PCDHGA2: variants seen among roughly 807,000 people sequenced by gnomAD.
The protein encoded by PCDHGA2 is protocadherin gamma-A2.
In PCDHGA2, 40 loss-of-function variants were observed where a neutral mutation model predicts 59.2. The observed-to-expected ratio is 0.68, with a 90% CI of 0.52 to 0.88. PCDHGA2 has a LOEUF of 0.88. Ranked by LOEUF, PCDHGA2 falls within the 40% of genes least tolerant of loss-of-function variation. PCDHGA2 has a pLI of 0.00. For synonymous variants in PCDHGA2, 560 were observed against 526.0 expected (o/e 1.06, Z -0.89); for missense variants, 1,226 against 1,204.0 (o/e 1.02, Z -0.27).
intron 1 of PCDHGA2, chr5:141,355,796 C>G: frequency 1.2e-6 from 2 of 1,613,556 alleles, no homozygotes; most frequent in Non-Finnish European, 1.7e-6. Context: ...CTGGAACGCG[C>G]TCTAGATCGC....
rs774211225 is a variant in PCDHGA2 at position 141,374,709 on chromosome 5, G to A, written c.2424+33314G>A. 28 of 1,608,934 alleles carry A rather than the reference G, an allele frequency of 1.7e-5. No individual in the cohort carries two copies. In the South Asian group the frequency reaches 1.9e-4, roughly 11 times the overall value. On this transcript the variant is annotated intron_variant, in intron 1 of 3. Transcript: ENST00000394576. ...GACCGGGAAGGAGAAGCCGTTTACCGCCTGGTCCTTACTGCCATGGATGGC... is the reference window on the plus strand; with the variant it reads ...GACCGGGAAGGAGAAGCCGTTTACCACCTGGTCCTTACTGCCATGGATGGC...
chr5:141,454,489 C>T (rs1450435753), intron 1 of PCDHGA2, among the ~76,000 whole-genome samples: 1 of 152,222 alleles, frequency 6.6e-6, no homozygotes, highest in African/African-American at 2.4e-5. Flanking sequence ...TCACCGCAAC[C>T]TCCACCTCCT....
chr5:141,383,198 C>A, intron 1 of PCDHGA2: 1 of 1,614,016 alleles, frequency 6.2e-7, no homozygotes, highest in Non-Finnish European at 8.5e-7. Flanking sequence ...GCTCAGAGTG[C>A]GCGGTGTCTG....
chr5:141,477,221 A>G lies in PCDHGA2; in HGVS notation c.2425-17586A>G, dbSNP rs771608717. 1 of 1,614,178 alleles carries G rather than the reference A, an allele frequency of 6.2e-7. No homozygotes were observed. The highest frequency in any genetic ancestry group is 8.5e-7 in the Non-Finnish European group (1 of 1,180,044). ...AGTACCCGAGGATGCCCCTCTGGGG[A>G]CTGTCATCGCTTTGCTCAGTGTGAC... On this transcript the variant is annotated intron_variant, in intron 1 of 3. Coordinates refer to ENST00000394576, the MANE Select transcript of PCDHGA2 (RefSeq NM_018915.4). This position sits in a 1 kb window ranked among gnomAD's most constrained non-coding sequence, Gnocchi z 4.9.
chr5:141,479,574 T>A (rs1291334449), intron 1 of PCDHGA2: 1 of 152,228 alleles, frequency 6.6e-6, no homozygotes, highest in South Asian at 2.1e-4. Context: ...GGATGACATC[T>A]GTGAATAGCC....
At position 141,366,307 on chromosome 5, in the gene PCDHGA2, G is replaced by A. The variant is rs539472764; in HGVS notation, c.2424+24912G>A. 6.3e-5 allele frequency: 101 copies of A among 1,613,748 alleles called. 2 individuals carry two copies. In the South Asian group the frequency reaches 9.7e-4, roughly 15 times the overall value. On this transcript the variant is annotated intron_variant, in intron 1 of 3. Coordinates refer to ENST00000394576, the MANE Select transcript of PCDHGA2 (RefSeq NM_018915.4). ...AGCCCCCTCTGTCAGCCACCTTCAC[G>A]GTCACCGTTGCCGTGGCCGACAGGA...
chr5:141,389,397 A>G (rs1196356712), intron 1 of PCDHGA2: 2 of 1,613,688 alleles, frequency 1.2e-6, no homozygotes, highest in Admixed American at 3.3e-5. Context: ...CTACGTGTCC[A>G]TAAGCGCGGA....
At chr5:141,343,289 A>C in intron 1 of PCDHGA2, 2 of 968,286 alleles carry the variant, frequency 2.1e-6, no homozygotes, top group Non-Finnish European at 2.5e-6. Flanking sequence ...AAAGAAATAT[A>C]ATGTATAAAT....
intron 1 of PCDHGA2, among the ~76,000 whole-genome samples, chr5:141,465,422 G>T (rs74711061): frequency 6.6e-6 from 1 of 152,142 alleles, no homozygotes; most frequent in Non-Finnish European, 1.5e-5. Context: ...AGCACTGAAA[G>T]GTGGGCACTT....
chr5:141,510,978 G>A lies in PCDHGA2; in HGVS notation c.2604G>A (p.Gly868=), dbSNP rs2099883535. 1.2e-6 allele frequency: 2 copies of A among 1,614,160 alleles called. No homozygotes were observed. The change falls in exon 4 of 4, where the codon GGG becomes GGA. Residue 868 remains glycine, a synonymous_variant. Transcript: ENST00000394576. The part of the protein sequence containing the change: ...EAADGSSTLG[G]GAGTMGLSAR... Reference sequence around the variant, plus strand: ...CTGATGGGAGCTCCACCCTGGGAGGGGGTGCCGGCACCATGGGATTGAGCG... The same window carrying A: ...CTGATGGGAGCTCCACCCTGGGAGGAGGTGCCGGCACCATGGGATTGAGCG...
intron 1 of PCDHGA2, chr5:141,442,367 T>C (rs1304138950): frequency 6.6e-6 from 1 of 152,282 alleles, no homozygotes; most frequent in Non-Finnish European, 1.5e-5. Flanking sequence ...TATGATGCCA[T>C]ATTCCTACCA....
At chr5:141,368,306 T>C (rs1456479805) in intron 1 of PCDHGA2, among the ~76,000 whole-genome samples, 1 of 152,130 alleles carries the variant, frequency 6.6e-6, no homozygotes, top group African/African-American at 2.4e-5. Context: ...TTAAACACTG[T>C]TAAAGAGCAT....
intron 1 of PCDHGA2, among the ~76,000 whole-genome samples, chr5:141,463,539 C>T (rs1408887405): frequency 6.7e-6 from 1 of 148,606 alleles, no homozygotes; most frequent in Admixed American, 6.8e-5. Context: ...AACTCCGGCT[C>T]CCGGGTTCAT....
chr5:141,392,628 A>C (rs2092566593), intron 1 of PCDHGA2: 2 of 588,334 alleles, frequency 3.4e-6, no homozygotes, highest in South Asian at 5.4e-5. Flanking sequence ...AAACACTCAG[A>C]TCTCACACCT....
Position 141,431,668 on chromosome 5 carries a change from A to C in PCDHGA2, c.2425-63139A>C. ...ATTGTAATTCAGGGACAATATCAAC[A>C]ATAGGGGAGTTGGACCACGAGGAGT... is the stretch of plus-strand genomic sequence containing the variant. On this transcript the variant is annotated intron_variant, in intron 1 of 3. Coordinates refer to ENST00000394576, the MANE Select transcript of PCDHGA2 (RefSeq NM_018915.4). This position sits in a 1 kb window ranked among gnomAD's most constrained non-coding sequence, Gnocchi z 4.8. The C allele has an allele frequency of 6.2e-7, 1 of 1,614,208 alleles. No individual in the cohort carries two copies. Among genetic ancestry groups the C allele is most frequent in the Non-Finnish European group, 8.5e-7 (1 of 1,180,036 alleles).
At chr5:141,420,025 T>A in intron 1 of PCDHGA2, 1 of 1,614,096 alleles carries the variant, frequency 6.2e-7, no homozygotes, top group Non-Finnish European at 8.5e-7. Context: ...TCAGCCCTAC[T>A]GCAGGAGACT....
chr5:141,443,820 T>C (rs1329478151), intron 1 of PCDHGA2, among the ~76,000 whole-genome samples: 1 of 151,986 alleles, frequency 6.6e-6, no homozygotes. Flanking sequence ...TTGGAAAACA[T>C]AATTAGGTAA....
At chr5:141,388,668 C>G in intron 1 of PCDHGA2, 1 of 1,613,882 alleles carries the variant, frequency 6.2e-7, no homozygotes, top group Non-Finnish European at 8.5e-7. Flanking sequence ...GACCACGGTG[C>G]TACAGGTGAC....
Position 141,394,139 on chromosome 5 carries a change from G to A in PCDHGA2, c.2424+52744G>A, listed in dbSNP as rs780148099. 1.7e-5 allele frequency: 27 copies of A among 1,613,788 alleles called. No individual in the cohort carries two copies. The African/African-American group carries it at 3.5e-4, about 21-fold the overall frequency. On this transcript the variant is annotated intron_variant, in intron 1 of 3. Coordinates refer to ENST00000394576, the MANE Select transcript of PCDHGA2 (RefSeq NM_018915.4). ...CTGAAACTCAAATCGCTCTGCACGTGGCAGACATTAACGACAACCCTCCTA... is the reference window on the plus strand; with the variant it reads ...CTGAAACTCAAATCGCTCTGCACGTAGCAGACATTAACGACAACCCTCCTA...
Sources: gnomAD v4.1 joint callset for allele counts (sites outside exome capture counted in the v4.1 genomes callset) on GRCh38, gnomAD v4.1.1 for gene constraint, Gnocchi (gnomAD v3.1) non-coding constraint, MANE v1.5 for transcripts, NCBI Gene and HGNC (gene_info 2026-07-23, HGNC 2026-07-21) for gene names.